ADGRG6: variants seen among roughly 807,000 people sequenced by gnomAD.
ADGRG6 encodes the protein adhesion G protein-coupled receptor G6, also known as G-protein coupled receptor 126.
Under a neutral mutation model 142.4 loss-of-function variants are expected in ADGRG6, and 84 were observed. The ratio of observed to expected loss-of-function variants is 0.59; its 90% CI spans 0.49 to 0.71. The LOEUF (loss-of-function observed/expected upper bound fraction) is 0.71, where lower values mean the gene tolerates loss of function less well. Among genes scored for constraint, ADGRG6 ranks in the 30% least tolerant of loss-of-function variants. The pLI, the probability that ADGRG6 is intolerant of heterozygous loss-of-function variation, is 0.00. For synonymous variants in ADGRG6, 521 were observed against 520.5 expected (o/e 1.00, Z -0.01); for missense variants, 1,367 against 1,466.6 (o/e 0.93, Z 1.11).
At chr6:142,380,696 T>G (rs1781732076) in intron 4 of ADGRG6, among the ~76,000 whole-genome samples, 1 of 152,302 alleles carries the variant, frequency 6.6e-6, no homozygotes, top group African/African-American at 2.4e-5. Context: ...ATGGGCCTTC[T>G]TCTTTGAAAT....
At chr6:142,303,171 A>G (rs914877624) in intron 1 of ADGRG6, among the ~76,000 whole-genome samples, 5 of 152,170 alleles carry the variant, frequency 3.3e-5, no homozygotes, top group African/African-American at 1.2e-4. Flanking sequence ...CTGATGTTTT[A>G]GTTAATCTTG....
chr6:142,400,346 A>G, intron 10 of ADGRG6, 139 bp from the exon 11 acceptor site: 1 of 549,214 alleles, frequency 1.8e-6, no homozygotes, highest in Non-Finnish European at 3.3e-6. Context: ...AATTCTGAAG[A>G]TAAACACTAA....
At chr6:142,379,975 A>T (rs1205673542) in intron 4 of ADGRG6, among the ~76,000 whole-genome samples, 1 of 152,152 alleles carries the variant, frequency 6.6e-6, no homozygotes, top group African/African-American at 2.4e-5. Flanking sequence ...CAACCAATAC[A>T]TGTAAGATTT....
intron 2 of ADGRG6, among the ~76,000 whole-genome samples, chr6:142,329,763 C>G (rs1468757341): frequency 6.6e-6 from 1 of 152,156 alleles, no homozygotes; most frequent in Non-Finnish European, 1.5e-5. Flanking sequence ...ACAAATACTT[C>G]AGTAGCTAAT....
chr6:142,366,097 A>G (rs536276899), intron 2 of ADGRG6, among the ~76,000 whole-genome samples: 1 of 152,340 alleles, frequency 6.6e-6, no homozygotes, highest in African/African-American at 2.4e-5. Flanking sequence ...TTGCAAAAGC[A>G]TCTCTGGACA....
chr6:142,369,036 A>G (rs546136673), intron 3 of ADGRG6, among the ~76,000 whole-genome samples: 6 of 152,312 alleles, frequency 3.9e-5, no homozygotes, highest in African/African-American at 1.4e-4. Flanking sequence ...ATTCCTTTAA[A>G]TTCTATCATA....
Position 142,351,135 on chromosome 6 carries a change from G to A in ADGRG6, c.104-16434G>A, listed in dbSNP as rs190892418. ...GGGCACCTGTAGTCCCAGCTACTTC[G>A]GAGGCTGAGGCAGGAGAACTCAGGA... On this transcript the variant is annotated intron_variant, in intron 2 of 24. Coordinates refer to ENST00000367609, the MANE Select transcript of ADGRG6 (RefSeq NM_198569.3). 3.7e-4 allele frequency among the ~76,000 whole-genome samples: 56 copies of A among 152,258 alleles called. No homozygotes were observed. The South Asian group carries it at 5.4e-3, about 15-fold the overall frequency.
rs563028954 is a variant in ADGRG6, at chr6:142,420,521, T to C, written c.3319+417T>C. Among the ~76,000 whole-genome samples, 3 of 152,320 alleles carry C rather than the reference T, an allele frequency of 2.0e-5. No individual in the cohort carries two copies. In the South Asian group the frequency reaches 6.2e-4, roughly 32 times the overall value. On this transcript the variant is annotated intron_variant, in intron 22 of 24. Coordinates refer to ENST00000367609, the MANE Select transcript of ADGRG6 (RefSeq NM_198569.3). Reference sequence around the variant, plus strand: ...CTGTCCCCTGAAGATTTACCGTTGATGGCCAGAAGAATTTTTAGAGTCTAT... The same window carrying C: ...CTGTCCCCTGAAGATTTACCGTTGACGGCCAGAAGAATTTTTAGAGTCTAT...
chr6:142,384,054 AC>A (rs1383463437), intron 6 of ADGRG6, among the ~76,000 whole-genome samples: 2 of 151,902 alleles, frequency 1.3e-5, no homozygotes, highest in African/African-American at 4.8e-5. Context: ...CATCTCCAGT[AC>A]TCCTCTTTTG....
Position 142,430,067 on chromosome 6 carries a change from A to C in ADGRG6, c.3320-7367A>C, listed in dbSNP as rs183712694. 2.9e-3 allele frequency among the ~76,000 whole-genome samples: 437 copies of C among 151,838 alleles called. 2 individuals carry two copies. Among genetic ancestry groups the C allele is most frequent in the Non-Finnish European group, 5.5e-3 (374 of 67,996 alleles). ...CCTTGTCTCAGGGGAAAAAAAAGAA[A>C]AACAAAAACAAAAAACCTGCCAGAG... On this transcript the variant is annotated intron_variant, in intron 22 of 24. Coordinates refer to ENST00000367609, the MANE Select transcript of ADGRG6 (RefSeq NM_198569.3).
chr6:142,423,189 T>G (rs1342072745), intron 22 of ADGRG6, among the ~76,000 whole-genome samples: 1 of 141,652 alleles, frequency 7.1e-6, no homozygotes, highest in Non-Finnish European at 1.5e-5. Context: ...ATTTGTCAAT[T>G]TTGGCTTTTG....
chr6:142,401,742 G>T (rs774998734), intron 11 of ADGRG6, among the ~76,000 whole-genome samples: 1 of 152,068 alleles, frequency 6.6e-6, no homozygotes, highest in Non-Finnish European at 1.5e-5. Flanking sequence ...GAGAAATGGA[G>T]AGAATTTGGG....
Position 142,443,628 on chromosome 6 carries a change from A to G in ADGRG6, c.*113A>G, listed in dbSNP as rs1441174098. The G allele has an allele frequency of 3.9e-5, 24 of 618,282 alleles. No individual in the cohort carries two copies. The East Asian group carries it at 7.0e-4, about 18-fold the overall frequency. The allele number at this position is 618,282 out of a possible 1,614,324, so 38.3% of individuals were successfully genotyped here. On this transcript the variant is annotated 3_prime_UTR_variant, in exon 25 of 25. Coordinates refer to ENST00000367609, the MANE Select transcript of ADGRG6 (RefSeq NM_198569.3). ...CCTAGGTAACTGCATATATATAAGG[A>G]ATGTATTTTGTTAAGAAGGCTTTTG...
At chr6:142,400,792 C>T (rs958416164) in intron 11 of ADGRG6, 196 bp downstream of exon 11, 1 of 500,770 alleles carries the variant, frequency 2.0e-6, no homozygotes. Context: ...TGTTTTCCTC[C>T]CAGCCACATG....
chr6:142,438,851 G>T (rs1261783561), intron 24 of ADGRG6, among the ~76,000 whole-genome samples: 1 of 152,036 alleles, frequency 6.6e-6, no homozygotes, highest in East Asian at 1.9e-4. Context: ...ATATATGAAA[G>T]AACATAATAT....
chr6:142,322,120 C>G (rs1213501879), intron 2 of ADGRG6, among the ~76,000 whole-genome samples: 1 of 152,060 alleles, frequency 6.6e-6, no homozygotes, highest in Non-Finnish European at 1.5e-5. Flanking sequence ...TTTTGGGGGC[C>G]TGGGCACAGT....
rs1779823523 is a variant in ADGRG6, at chr6:142,345,009, T to G, written c.104-22560T>G. Among the ~76,000 whole-genome samples, 3 of 151,948 alleles carry G rather than the reference T, an allele frequency of 2.0e-5. No homozygotes were observed. The South Asian group carries it at 6.2e-4, about 31-fold the overall frequency. ...TGAGAGGAATGGGACATAAGGAGAA[T>G]TAGGATTCCAACCAGCCCAATAAAG... On this transcript the variant is annotated intron_variant, in intron 2 of 24. Transcript: ENST00000367609.
At chr6:142,349,389 A>G (rs372693106) in intron 2 of ADGRG6, among the ~76,000 whole-genome samples, 19 of 152,334 alleles carry the variant, frequency 1.2e-4, no homozygotes, top group African/African-American at 4.6e-4. Context: ...GCAGGCCCCC[A>G]TGTAGCTGGA....
chr6:142,317,795 A>T lies in ADGRG6; in HGVS notation c.103+8151A>T, dbSNP rs547050372. Among the ~76,000 whole-genome samples, 813 of 89,774 alleles carry T rather than the reference A, an allele frequency of 9.1e-3. 14 individuals carry two copies. The highest frequency in any genetic ancestry group is 0.052 in the East Asian group (197 of 3,800). 58.9% of individuals were successfully genotyped at this position (89,774 alleles called of 152,430 possible). On this transcript the variant is annotated intron_variant, in intron 2 of 24. Coordinates refer to ENST00000367609, the MANE Select transcript of ADGRG6 (RefSeq NM_198569.3). ...TATCATATATATTTATATATAATAT[A>T]TATATTATATATATTTATATATATT... is the stretch of plus-strand genomic sequence containing the variant.
Sources: gnomAD v4.1 joint callset for allele counts (sites outside exome capture counted in the v4.1 genomes callset) on GRCh38, gnomAD v4.1.1 for gene constraint, MANE v1.5 for transcripts, NCBI Gene and HGNC (gene_info 2026-07-23, HGNC 2026-07-21) for gene names.